MCU: variants seen among roughly 807,000 people sequenced by gnomAD.
The protein encoded by MCU is mitochondrial calcium uniporter, also known as calcium uniporter protein, mitochondrial.
MCU carries 12 observed loss-of-function variants against 45.2 expected under a neutral mutation model. The observed-to-expected ratio is 0.27, with a 90% confidence interval of 0.17 to 0.43. MCU has a LOEUF of 0.43. Ranked by LOEUF, MCU falls within the 20% of genes least tolerant of loss-of-function variation. The pLI, the probability that MCU is intolerant of heterozygous loss-of-function variation, is 1.00. For synonymous variants in MCU, 160 were observed against 165.1 expected, an observed-to-expected ratio of 0.97 and a Z score of 0.24; for missense variants, 324 against 436.7, an observed-to-expected ratio of 0.74 and a Z score of 2.30.
At chr10:72,749,847 G>A (rs1470017301) in intron 1 of MCU, among the ~76,000 whole-genome samples, 4 of 151,948 alleles carry the variant, frequency 2.6e-5, no homozygotes, top group African/African-American at 9.7e-5. Context: ...GCTCACTGCA[G>A]CCTCCGCCTC....
chr10:72,707,181 G>T (rs544724321), intron 1 of MCU, among the ~76,000 whole-genome samples: 1 of 151,230 alleles, frequency 6.6e-6, no homozygotes, highest in South Asian at 2.1e-4. Flanking sequence ...TAATGCTGTT[G>T]GTGAGCATTT....
intron 4 of MCU, among the ~76,000 whole-genome samples, chr10:72,867,749 G>A (rs568593994): frequency 2.3e-4 from 35 of 151,918 alleles, no homozygotes; most frequent in Non-Finnish European, 4.6e-4. Context: ...CAGCTACTTG[G>A]GAGGCTGAGG....
intron 1 of MCU, among the ~76,000 whole-genome samples, chr10:72,719,373 G>GTT (rs1476038213): frequency 6.6e-6 from 1 of 152,186 alleles, no homozygotes; most frequent in Non-Finnish European, 1.5e-5. Context: ...TTGTAACCAG[G>GTT]TTTTTGAGAT....
chr10:72,704,861 C>T (rs182878013), intron 1 of MCU, among the ~76,000 whole-genome samples: 6 of 152,110 alleles, frequency 3.9e-5, no homozygotes, highest in Non-Finnish European at 4.4e-5. Context: ...GCTGGGATTA[C>T]ATGGATGTGC....
chr10:72,777,620 C>T (rs564260761), intron 1 of MCU, among the ~76,000 whole-genome samples: 1 of 152,290 alleles, frequency 6.6e-6, no homozygotes, highest in African/African-American at 2.4e-5. Context: ...GGGAAACCCT[C>T]CAGGGCACTG....
chr10:72,777,540 T>C (rs1843914244), intron 1 of MCU, among the ~76,000 whole-genome samples: 1 of 152,252 alleles, frequency 6.6e-6, no homozygotes, highest in Middle Eastern at 3.4e-3. Flanking sequence ...ATTCACAAAA[T>C]TCACATCAAA....
chr10:72,814,534 C>T (rs1176134241), intron 1 of MCU, among the ~76,000 whole-genome samples: 2 of 152,018 alleles, frequency 1.3e-5, no homozygotes, highest in Non-Finnish European at 2.9e-5. Flanking sequence ...TTTACTCTTC[C>T]TTTCTTTTTT....
At chr10:72,866,484 G>A (rs1845458799) in intron 4 of MCU, among the ~76,000 whole-genome samples, 1 of 152,078 alleles carries the variant, frequency 6.6e-6, no homozygotes, top group Non-Finnish European at 1.5e-5. Flanking sequence ...TGCAACCTCT[G>A]CCTCTGGGTT....
chr10:72,766,528 T>G (rs1031613561), intron 1 of MCU: 1 of 152,222 alleles, frequency 6.6e-6, no homozygotes, highest in Admixed American at 6.5e-5. Flanking sequence ...CTTGGACTAC[T>G]AGAACCCTTG....
chr10:72,748,531 T>C (rs560789007), intron 1 of MCU, among the ~76,000 whole-genome samples: 15 of 152,276 alleles, frequency 9.9e-5, no homozygotes, highest in African/African-American at 2.2e-4. Flanking sequence ...CAAGGAGATA[T>C]AATGGCTGGG....
At position 72,746,107 on chromosome 10, in the gene MCU, A is replaced by G. The variant is rs527912972; in HGVS notation, c.150+53806A>G. Among the ~76,000 whole-genome samples, 4 of 152,202 alleles carry G rather than the reference A, an allele frequency of 2.6e-5. No individual in the cohort carries two copies. The South Asian group carries it at 8.3e-4, about 32-fold the overall frequency. The stretch of plus-strand genomic sequence containing the variant: ...GGACCTACTTCTCCTCTTCTCATTT[A>G]TTCACTCAACAAATATTTGTTGAGC... On this transcript the variant is annotated intron_variant, in intron 1 of 7. Coordinates refer to ENST00000373053, the MANE Select transcript of MCU (RefSeq NM_138357.3).
intron 6 of MCU, among the ~76,000 whole-genome samples, chr10:72,883,061 T>G (rs1845729304): frequency 6.6e-6 from 1 of 152,252 alleles, no homozygotes; most frequent in African/African-American, 2.4e-5. Context: ...AATGAAATAC[T>G]GATACATGCC....
At chr10:72,807,473 C>A (rs139588857) in intron 1 of MCU, among the ~76,000 whole-genome samples, 2 of 151,682 alleles carry the variant, frequency 1.3e-5, no homozygotes, top group Non-Finnish European at 2.9e-5. Flanking sequence ...TCAATGAGTT[C>A]TTTTTTTTGT....
intron 4 of MCU, among the ~76,000 whole-genome samples, chr10:72,866,068 C>A (rs181177726): frequency 1.3e-5 from 2 of 152,150 alleles, no homozygotes; most frequent in East Asian, 3.9e-4. Context: ...TGAGCCACCA[C>A]GCCCGGCCTT....
intron 1 of MCU, among the ~76,000 whole-genome samples, chr10:72,824,824 T>G (rs1188873293): frequency 6.6e-6 from 1 of 152,230 alleles, no homozygotes; most frequent in Non-Finnish European, 1.5e-5. Flanking sequence ...GGTAACTGCA[T>G]TCTTTTTATT....
chr10:72,829,587 T>G (rs527765738), intron 1 of MCU, among the ~76,000 whole-genome samples: 51 of 149,704 alleles, frequency 3.4e-4, no homozygotes, highest in African/African-American at 1.2e-3. Context: ...AAATATTTAT[T>G]AAAAGCTTCC....
chr10:72,851,548 T>G (rs964626608), intron 2 of MCU, among the ~76,000 whole-genome samples: 4 of 151,956 alleles, frequency 2.6e-5, no homozygotes, highest in African/African-American at 9.7e-5. Context: ...TGATTGGTTG[T>G]GGATGCAGTC....
At chr10:72,811,211 TAA>T (rs1844538593) in intron 1 of MCU, among the ~76,000 whole-genome samples, 1 of 152,238 alleles carries the variant, frequency 6.6e-6, no homozygotes, top group Non-Finnish European at 1.5e-5. Context: ...TGATAAGATT[TAA>T]GTCTAGATTG....
At chr10:72,752,563 T>TAGCAACAAAGC (rs1843518082) in intron 1 of MCU, among the ~76,000 whole-genome samples, 1 of 152,156 alleles carries the variant, frequency 6.6e-6, no homozygotes, top group African/African-American at 2.4e-5. Flanking sequence ...TAAACATGAA[T>TAGCAACAAAGC]AGCAACAAAG....
Sources: gnomAD v4.1 joint callset for allele counts (sites outside exome capture counted in the v4.1 genomes callset) on GRCh38, gnomAD v4.1.1 for gene constraint, MANE v1.5 for transcripts, NCBI Gene and HGNC (gene_info 2026-07-23, HGNC 2026-07-21) for gene names.